The following SHISA9 variants were observed in gnomAD, a reference collection of about 807,000 sequenced individuals.
The protein encoded by SHISA9 is protein shisa-9.
Under a neutral mutation model 38.0 loss-of-function variants are expected in SHISA9, and 13 were observed. The observed-to-expected ratio is 0.34, with a 90% CI of 0.22 to 0.54. The LOEUF is 0.54. SHISA9 is among the 20% of genes least tolerant of loss of function. The pLI is 0.91. For synonymous variants in SHISA9, 275 were observed against 242.0 expected, an observed-to-expected ratio of 1.14 and a Z score of -1.27; for missense variants, 538 against 575.8, an observed-to-expected ratio of 0.93 and a Z score of 0.67.
At chr16:12,925,077 A>C (rs2071376437) in intron 2 of SHISA9, among the ~76,000 whole-genome samples, 1 of 152,224 alleles carries the variant, frequency 6.6e-6, no homozygotes, top group African/African-American at 2.4e-5. Flanking sequence ...GGACAATGAT[A>C]CAAATCGGCA....
At chr16:12,967,494 G>A (rs2071995523) in intron 2 of SHISA9, among the ~76,000 whole-genome samples, 1 of 151,668 alleles carries the variant, frequency 6.6e-6, no homozygotes, top group African/African-American at 2.4e-5. Context: ...CACCAATATG[G>A]CACATGTATA....
At chr16:13,370,476 C>G in the SHISA9 span, among the ~76,000 whole-genome samples, 1 of 152,144 alleles carries the variant, frequency 6.6e-6, no homozygotes, top group Non-Finnish European at 1.5e-5. Flanking sequence ...AAAGAAAGTT[C>G]CGTTAAGAAG....
chr16:12,940,733 C>A (rs1167111262), intron 2 of SHISA9, among the ~76,000 whole-genome samples: 3 of 152,328 alleles, frequency 2.0e-5, no homozygotes, highest in African/African-American at 7.2e-5. Context: ...TTGTTTCCAA[C>A]ATATGCATTC....
At chr16:13,378,945 A>T in the SHISA9 span, among the ~76,000 whole-genome samples, 3 of 152,228 alleles carry the variant, frequency 2.0e-5, no homozygotes, top group African/African-American at 7.2e-5. Flanking sequence ...TTTCAGCAAA[A>T]TACACAGTAA....
At chr16:13,171,736 C>T (rs918441803) in intron 2 of SHISA9, among the ~76,000 whole-genome samples, 2 of 151,956 alleles carry the variant, frequency 1.3e-5, no homozygotes, top group Non-Finnish European at 2.9e-5. Flanking sequence ...GCTGTGTGGG[C>T]CGGGTAAGGA....
At chr16:13,397,278 G>A in the SHISA9 span, among the ~76,000 whole-genome samples, 18 of 152,252 alleles carry the variant, frequency 1.2e-4, no homozygotes, top group Middle Eastern at 6.8e-3. Flanking sequence ...GGTGTGGCTC[G>A]CTTCTTTGGT....
intron 2 of SHISA9, among the ~76,000 whole-genome samples, chr16:13,134,178 G>A (rs1368377846): frequency 3.9e-5 from 6 of 152,196 alleles, no homozygotes; most frequent in African/African-American, 1.4e-4. Flanking sequence ...TTACTGCCAA[G>A]TGTAAACTAA....
At chr16:12,933,503 A>G (rs914639998) in intron 2 of SHISA9, among the ~76,000 whole-genome samples, 4 of 152,156 alleles carry the variant, frequency 2.6e-5, no homozygotes, top group Admixed American at 2.6e-4. Context: ...TGTGTTGGCC[A>G]GGCTGGTCTG....
chr16:13,300,252 C>A, the SHISA9 span, among the ~76,000 whole-genome samples: 103 of 152,294 alleles, frequency 6.8e-4, no homozygotes, highest in Middle Eastern at 6.8e-3. Context: ...AATCCGCCCC[C>A]ACATTCCATT....
chr16:13,200,409 A>AACACATAC (rs2050993314), intron 2 of SHISA9, among the ~76,000 whole-genome samples: 1 of 136,524 alleles, frequency 7.3e-6, no homozygotes, highest in South Asian at 2.3e-4. Context: ...TATATCATGA[A>AACACATAC]ACACACACAC....
In SHISA9 at chr16:13,114,488, A is replaced by AAG. The variant is rs1555462877; in HGVS notation, c.692-88906_692-88905insAG. Among the ~76,000 whole-genome samples, 17 of 149,612 alleles carry AAG rather than the reference A, an allele frequency of 1.1e-4. No homozygotes were observed. The East Asian group carries it at 2.8e-3, about 25-fold the overall frequency. ...CTCAAAAAAAAAAAAAAAAAAAAAA[A>AAG]GACGAAAAATACGAAGAACTAGGTA... On this transcript the variant is annotated intron_variant, in intron 2 of 4. Coordinates refer to ENST00000558583, the MANE Select transcript of SHISA9 (RefSeq NM_001145204.3).
At chr16:13,233,008 CT>C (rs1039810132) in intron 4 of SHISA9, among the ~76,000 whole-genome samples, 4 of 151,360 alleles carry the variant, frequency 2.6e-5, no homozygotes, top group Admixed American at 6.6e-5. Flanking sequence ...CACAAAAAAA[CT>C]TTTTTTTTGC....
At chr16:13,033,167 A>G (rs1049504339) in intron 2 of SHISA9, among the ~76,000 whole-genome samples, 3 of 152,160 alleles carry the variant, frequency 2.0e-5, no homozygotes, top group Admixed American at 2.0e-4. Context: ...TAACTGCATT[A>G]TGTTCTTATT....
At chr16:13,266,494 A>G in the SHISA9 span, among the ~76,000 whole-genome samples, 3 of 152,164 alleles carry the variant, frequency 2.0e-5, no homozygotes, top group Non-Finnish European at 4.4e-5. Context: ...AGAGGGAGCT[A>G]GCTTTGATGA....
intron 3 of SHISA9, among the ~76,000 whole-genome samples, chr16:13,204,162 CTATCTATT>C (rs199587550): frequency 0.013 from 1,956 of 149,714 alleles, 38 homozygotes; most frequent in East Asian, 0.05. Flanking sequence ...ATCTATCTAT[CTATCTATT>C]TATCTATCAT....
chr16:13,131,385 T>C (rs1052215252), intron 2 of SHISA9, among the ~76,000 whole-genome samples: 1 of 152,138 alleles, frequency 6.6e-6, no homozygotes, highest in Non-Finnish European at 1.5e-5. Context: ...ACACTGCATA[T>C]TCTCACTTAC....
chr16:13,118,733 T>TC (rs1555463201), intron 2 of SHISA9, among the ~76,000 whole-genome samples: 1 of 148,286 alleles, frequency 6.7e-6, no homozygotes, highest in African/African-American at 2.5e-5. Flanking sequence ...CTTTTTTCTT[T>TC]TTTTTTTTTT....
chr16:13,206,509 A>T (rs2051065357), intron 3 of SHISA9, among the ~76,000 whole-genome samples: 1 of 152,104 alleles, frequency 6.6e-6, no homozygotes, highest in Admixed American at 6.5e-5. Flanking sequence ...TTCACAAAAC[A>T]AGCATTTTGG....
chr16:12,995,965 T>C (rs2072452418), intron 2 of SHISA9, among the ~76,000 whole-genome samples: 1 of 152,192 alleles, frequency 6.6e-6, no homozygotes, highest in Admixed American at 6.5e-5. Context: ...CCCATGTCCC[T>C]GGTAATGCTT....
Sources: allele counts gnomAD v4.1 joint callset (sites outside exome capture counted in the v4.1 genomes callset), GRCh38; gene constraint gnomAD v4.1.1; transcripts MANE v1.5; gene names NCBI Gene and HGNC (gene_info 2026-07-23, HGNC 2026-07-21).